The following PTPRD variants were observed in gnomAD, a reference collection of about 807,000 sequenced individuals.
PTPRD encodes protein tyrosine phosphatase receptor type D.
A neutral mutation model predicts 214.5 loss-of-function variants in PTPRD; 34 were observed. The observed-to-expected ratio is 0.16, with a 90% CI of 0.12 to 0.21. The LOEUF is 0.21. PTPRD is among the 10% of genes least tolerant of loss of function. The pLI is 1.00. For missense variants in PTPRD, 2,545 were observed against 2,398.7 expected (o/e 1.06, Z -1.27); for synonymous variants, 1,128 against 845.7 (o/e 1.33, Z -5.79).
chr9:10,477,362 C>T (rs1414302166), intron 2 of PTPRD, among the ~76,000 whole-genome samples: 2 of 151,900 alleles, frequency 1.3e-5, no homozygotes, highest in Non-Finnish European at 2.9e-5. Flanking sequence ...TTTATTTGGC[C>T]AACAAACGCG....
rs2154524781 is a variant in PTPRD at position 8,816,399 on chromosome 9, A to G, written c.-103-82453T>C. 2.0e-5 allele frequency among the ~76,000 whole-genome samples: 3 copies of G among 152,262 alleles called. No homozygotes were observed. The Middle Eastern group carries it at 0.01, about 518-fold the overall frequency. On this transcript the variant is annotated intron_variant, in intron 11 of 45. Transcript: ENST00000381196. ...CCAAGCACTCTTTTGATTGTTGAGG[A>G]TAATCTATAAACACAAGACACAAAG...
At chr9:8,570,112 T>C (rs2090656898) in intron 14 of PTPRD, among the ~76,000 whole-genome samples, 1 of 152,122 alleles carries the variant, frequency 6.6e-6, no homozygotes, top group Non-Finnish European at 1.5e-5. Flanking sequence ...TCGAGTCCAT[T>C]AGAATTTCAA....
intron 35 of PTPRD, among the ~76,000 whole-genome samples, chr9:8,406,925 CGTACAGT>C (rs1564591903): frequency 5.3e-5 from 8 of 152,330 alleles, no homozygotes; most frequent in African/African-American, 1.9e-4. Context: ...CACTGGTATA[CGTACAGT>C]GCTCCCTCTG....
chr9:8,854,184 G>A (rs2097869843), intron 11 of PTPRD, among the ~76,000 whole-genome samples: 1 of 152,044 alleles, frequency 6.6e-6, no homozygotes, highest in Non-Finnish European at 1.5e-5. Context: ...ATGATTAAAG[G>A]CTTTCTGCAT....
intron 2 of PTPRD, among the ~76,000 whole-genome samples, chr9:10,398,959 C>A (rs185555283): frequency 6.6e-6 from 1 of 151,900 alleles, no homozygotes; most frequent in Non-Finnish European, 1.5e-5. Context: ...TGATTATCTC[C>A]AACATGGGAA....
chr9:8,376,594 A>G lies in PTPRD; in HGVS notation c.4506+13T>C, dbSNP rs574802009. The G allele has an allele frequency of 1.1e-5, 18 of 1,612,416 alleles. No homozygotes were observed. The highest frequency in any genetic ancestry group is 1.4e-5 in the Non-Finnish European group (17 of 1,178,986). On this transcript the variant is annotated intron_variant, in intron 38 of 45. Coordinates refer to ENST00000381196, the MANE Select transcript of PTPRD (RefSeq NM_002839.4). ...GAGAAGGGAAAGGGAGGAGAAAAAG[A>G]TGAAAAGCAAACCTTGTAAAGTGCA...
intron 36 of PTPRD, among the ~76,000 whole-genome samples, chr9:8,403,658 T>C (rs2092681710): frequency 6.6e-6 from 1 of 152,210 alleles, no homozygotes; most frequent in Non-Finnish European, 1.5e-5. Flanking sequence ...GCAACCCTCA[T>C]CTTTTAGGAA....
chr9:10,159,274 T>C (rs1267410325), intron 3 of PTPRD, among the ~76,000 whole-genome samples: 3 of 152,034 alleles, frequency 2.0e-5, no homozygotes, highest in Admixed American at 6.6e-5. Context: ...TAAGCAAATA[T>C]AGTCTAATTT....
chr9:9,528,961 C>G (rs1469427912), intron 8 of PTPRD, among the ~76,000 whole-genome samples: 1 of 138,962 alleles, frequency 7.2e-6, no homozygotes, highest in Non-Finnish European at 1.5e-5. Flanking sequence ...TTTTTTGAGG[C>G]AGAGTCTCAC....
intron 35 of PTPRD, among the ~76,000 whole-genome samples, chr9:8,432,834 C>T (rs1054331656): frequency 6.6e-6 from 1 of 152,180 alleles, no homozygotes; most frequent in Non-Finnish European, 1.5e-5. Context: ...AATCATGGAT[C>T]ATCATCATGA....
At chr9:8,558,532 T>A (rs996217701) in intron 14 of PTPRD, among the ~76,000 whole-genome samples, 1 of 152,212 alleles carries the variant, frequency 6.6e-6, no homozygotes, top group African/African-American at 2.4e-5. Flanking sequence ...CCTGCTCTGA[T>A]GGAGAGAGCT....
At chr9:10,507,587 G>A (rs1483784418) in intron 2 of PTPRD, among the ~76,000 whole-genome samples, 1 of 152,008 alleles carries the variant, frequency 6.6e-6, no homozygotes, top group Non-Finnish European at 1.5e-5. Context: ...CATGCCACTG[G>A]TACCAAAACA....
chr9:10,511,929 T>C (rs1282959351), intron 2 of PTPRD, among the ~76,000 whole-genome samples: 5 of 99,474 alleles, frequency 5.0e-5, no homozygotes, highest in African/African-American at 1.3e-4. Context: ...TATATATATA[T>C]ACGTGTATAT....
chr9:9,380,666 A>G (rs2061960759), intron 9 of PTPRD, among the ~76,000 whole-genome samples: 1 of 152,124 alleles, frequency 6.6e-6, no homozygotes, highest in Non-Finnish European at 1.5e-5. Flanking sequence ...CCATTGTTGG[A>G]TGAAGTGTCT....
intron 5 of PTPRD, among the ~76,000 whole-genome samples, chr9:9,862,539 T>A (rs2063000669): frequency 6.6e-6 from 1 of 152,212 alleles, no homozygotes; most frequent in Non-Finnish European, 1.5e-5. Context: ...TTTAATTTTC[T>A]GACATGGCAA....
chr9:9,685,359 A>C (rs1039494267), intron 7 of PTPRD, among the ~76,000 whole-genome samples: 21 of 151,382 alleles, frequency 1.4e-4, no homozygotes, highest in Admixed American at 7.3e-4. Flanking sequence ...ACATGTACTT[A>C]TTAAAAACAA....
At chr9:8,858,586 G>A (rs2098010103) in intron 11 of PTPRD, among the ~76,000 whole-genome samples, 1 of 152,118 alleles carries the variant, frequency 6.6e-6, no homozygotes, top group Admixed American at 6.6e-5. Context: ...TAACGTGCTG[G>A]GGATCCCACG....
chr9:9,488,430 T>A (rs2095753278), intron 8 of PTPRD, among the ~76,000 whole-genome samples: 1 of 152,142 alleles, frequency 6.6e-6, no homozygotes, highest in South Asian at 2.1e-4. Flanking sequence ...GCTCTCCCAC[T>A]CAGTTGTACC....
At position 10,359,773 on chromosome 9, in the gene PTPRD, T is replaced by C. The variant is rs550582405; in HGVS notation, c.-599-18756A>G. 5.3e-5 allele frequency among the ~76,000 whole-genome samples: 8 copies of C among 152,322 alleles called. No homozygotes were observed. The East Asian group carries it at 1.5e-3, about 29-fold the overall frequency. On this transcript the variant is annotated intron_variant, in intron 2 of 45. Transcript: ENST00000381196. ...AAATTATTCTGCTTAACAATTTTAG[T>C]GTACACTAGGGGATACTGTGATTTT...
Sources: gnomAD v4.1 joint callset for allele counts (sites outside exome capture counted in the v4.1 genomes callset) on GRCh38, gnomAD v4.1.1 for gene constraint, MANE v1.5 for transcripts, NCBI Gene and HGNC (gene_info 2026-07-23, HGNC 2026-07-21) for gene names.